Variants in VGLL4 observed in about 807,000 individuals in gnomAD.
VGLL4 encodes the protein vestigial like family member 4, also known as transcription cofactor vestigial-like protein 4.
VGLL4 carries 7 observed loss-of-function variants against 21.0 expected under a neutral mutation model. The observed-to-expected ratio is 0.33, with a 90% CI of 0.19 to 0.63. The LOEUF (loss-of-function observed/expected upper bound fraction) is 0.63. Ranked by LOEUF, VGLL4 falls within the 20% of genes least tolerant of loss-of-function variation. The pLI is 0.78. For missense variants in VGLL4, 394 were observed against 425.7 expected (o/e 0.93, Z 0.66); for synonymous variants, 222 against 173.2 (o/e 1.28, Z -2.21).
At chr3:11,685,015 G>C (rs2076426313) in intron 2 of VGLL4, among the ~76,000 whole-genome samples, 2 of 151,984 alleles carry the variant, frequency 1.3e-5, no homozygotes, top group Admixed American at 6.6e-5. Context: ...CCCAGTATCT[G>C]TTATTCCCCT....
intron 2 of VGLL4, among the ~76,000 whole-genome samples, chr3:11,671,026 C>T (rs1168409202): frequency 6.6e-6 from 1 of 152,100 alleles, no homozygotes; most frequent in Non-Finnish European, 1.5e-5. Flanking sequence ...GACAGAGATT[C>T]CGTCTCAAAA....
chr3:11,667,394 C>T (rs1158662586), intron 2 of VGLL4, among the ~76,000 whole-genome samples: 1 of 152,218 alleles, frequency 6.6e-6, no homozygotes, highest in African/African-American at 2.4e-5. Context: ...TAGCATGTCA[C>T]CTTCTACCTT....
intron 1 of VGLL4, among the ~76,000 whole-genome samples, chr3:11,639,397 C>G (rs1575482860): frequency 6.6e-6 from 1 of 152,240 alleles, no homozygotes; most frequent in African/African-American, 2.4e-5. Flanking sequence ...AGAGGTGTCT[C>G]ACCTACCCTT....
At chr3:11,631,086 C>A (rs2075466001) in intron 1 of VGLL4, among the ~76,000 whole-genome samples, 1 of 152,192 alleles carries the variant, frequency 6.6e-6, no homozygotes, top group South Asian at 2.1e-4. Flanking sequence ...ATGCATGAAT[C>A]TCAGAAACAC....
At chr3:11,587,367 G>A (rs959704203) in intron 2 of VGLL4, among the ~76,000 whole-genome samples, 2 of 152,214 alleles carry the variant, frequency 1.3e-5, no homozygotes, top group African/African-American at 2.4e-5. Context: ...CAGCTTCTAG[G>A]TGACATGGAG....
intron 2 of VGLL4, chr3:11,693,132 C>T (rs2076555806): frequency 9.4e-6 from 2 of 213,406 alleles, no homozygotes; most frequent in Non-Finnish European, 2.0e-5. Context: ...GATTGTGCCA[C>T]TATACTCCAG....
intron 2 of VGLL4, among the ~76,000 whole-genome samples, chr3:11,574,105 A>G (rs552168837): frequency 1.3e-5 from 2 of 152,298 alleles, no homozygotes; most frequent in Admixed American, 1.3e-4. Flanking sequence ...CCTTGATCTC[A>G]GGCACCAGGA....
At chr3:11,593,335 A>G (rs1331694237) in intron 2 of VGLL4, among the ~76,000 whole-genome samples, 2 of 152,194 alleles carry the variant, frequency 1.3e-5, no homozygotes, top group African/African-American at 4.8e-5. Context: ...GAGGTCTCAT[A>G]TATATAATCA....
rs887622060 is a variant in VGLL4, at chr3:11,558,426, G to C, written c.*130C>G. The C allele has an allele frequency of 1.1e-5, 15 of 1,387,140 alleles. No homozygotes were observed. The African/African-American group carries it at 1.9e-4, about 18-fold the overall frequency. 85.9% of individuals were successfully genotyped at this position (1,387,140 alleles called of 1,614,324 possible). ...ACAGAACACAAATCCCAACAACATG[G>C]TTTTTGCAAATAAACCATCCCTTCC... On this transcript the variant is annotated 3_prime_UTR_variant, in exon 5 of 5. Transcript: ENST00000430365.
chr3:11,571,297 A>G (rs1331584631), intron 2 of VGLL4, among the ~76,000 whole-genome samples: 1 of 152,186 alleles, frequency 6.6e-6, no homozygotes, highest in Non-Finnish European at 1.5e-5. Flanking sequence ...AAAAGCCACC[A>G]AAAAGTCAAG....
chr3:11,684,379 C>CT (rs1042047974), intron 2 of VGLL4, among the ~76,000 whole-genome samples: 8 of 150,820 alleles, frequency 5.3e-5, no homozygotes, highest in South Asian at 2.1e-4. Context: ...AAAACTTTCC[C>CT]TTTTTTTTTC....
At chr3:11,611,444 T>G (rs113967352) in intron 1 of VGLL4, among the ~76,000 whole-genome samples, 158 of 152,260 alleles carry the variant, frequency 1.0e-3, no homozygotes, top group African/African-American at 3.5e-3. Flanking sequence ...GTCTTTGATC[T>G]CAGACTTCCA....
intron 2 of VGLL4, chr3:11,693,152 C>T: frequency 5.1e-6 from 1 of 197,114 alleles, no homozygotes. Flanking sequence ...GTCTGGGCAA[C>T]AGAGCAAGAC....
intron 2 of VGLL4, among the ~76,000 whole-genome samples, chr3:11,567,943 G>A (rs1475158021): frequency 1.3e-5 from 2 of 152,212 alleles, no homozygotes; most frequent in Non-Finnish European, 2.9e-5. Flanking sequence ...CCAGATTCAG[G>A]AGAGCCTCAG....
chr3:11,694,831 T>G (rs6784811), intron 2 of VGLL4, among the ~76,000 whole-genome samples: 107,372 of 152,004 alleles, frequency 0.71, 38,276 homozygotes, highest in African/African-American at 0.78. Context: ...ACTGGCAGCA[T>G]ATGCCACAGT....
chr3:11,563,050 G>A (rs956131027), intron 3 of VGLL4, among the ~76,000 whole-genome samples: 2 of 152,220 alleles, frequency 1.3e-5, no homozygotes, highest in Admixed American at 6.5e-5. Context: ...AACTGTGACC[G>A]AAAACCAACT....
chr3:11,654,384 C>A (rs1457584195), intron 2 of VGLL4, among the ~76,000 whole-genome samples: 1 of 152,124 alleles, frequency 6.6e-6, no homozygotes, highest in Non-Finnish European at 1.5e-5. Flanking sequence ...GAAACAGATA[C>A]CAAGCAGGCT....
At chr3:11,708,915 A>G (rs2076798840) in intron 1 of VGLL4, among the ~76,000 whole-genome samples, 1 of 151,970 alleles carries the variant, frequency 6.6e-6, no homozygotes, top group South Asian at 2.1e-4. Flanking sequence ...CACAAAAACT[A>G]GCCAGGCATG....
intron 2 of VGLL4, among the ~76,000 whole-genome samples, chr3:11,575,574 G>A (rs191406099): frequency 3.3e-5 from 5 of 152,312 alleles, no homozygotes; most frequent in Admixed American, 6.5e-5. Flanking sequence ...GAAACCTGGC[G>A]GATCCGGAAC....
Sources: gnomAD v4.1 joint callset for allele counts (sites outside exome capture counted in the v4.1 genomes callset) on GRCh38, gnomAD v4.1.1 for gene constraint, MANE v1.5 for transcripts, NCBI Gene and HGNC (gene_info 2026-07-23, HGNC 2026-07-21) for gene names.